NINJ2: variants seen among roughly 807,000 people sequenced by gnomAD.
NINJ2 encodes ninjurin-2.
NINJ2 carries 12 observed loss-of-function variants against 11.7 expected under a neutral mutation model. The ratio of observed to expected loss-of-function variants is 1.02; its 90% confidence interval spans 0.66 to 1.66. The LOEUF (loss-of-function observed/expected upper bound fraction) is 1.66. Among genes scored for constraint, NINJ2 ranks in the 40% most tolerant of loss-of-function variants. The pLI is 0.00. For missense variants in NINJ2, 187 were observed against 181.8 expected (o/e 1.03, Z -0.16); for synonymous variants, 93 against 76.8 (o/e 1.21, Z -1.10).
rs116441390 is a variant in NINJ2 at position 579,237 on chromosome 12, C to G, written c.34-13059G>C. 1.7e-3 allele frequency among the ~76,000 whole-genome samples: 257 copies of G among 152,324 alleles called. 1 individual carries two copies. The highest frequency in any genetic ancestry group is 5.9e-3 in the African/African-American group (245 of 41,564). ...TGAGACCTCATGAAGTAGATCAGAT[C>G]TGACAGTGAGATGGGAGAAAGGGAA... On this transcript the variant is annotated intron_variant, in intron 1 of 3. Coordinates refer to ENST00000305108, the MANE Select transcript of NINJ2 (RefSeq NM_016533.6).
intron 1 of NINJ2, among the ~76,000 whole-genome samples, chr12:583,252 G>A (rs1407902437): frequency 1.3e-5 from 2 of 152,242 alleles, no homozygotes; most frequent in Non-Finnish European, 1.5e-5. Context: ...CAGGCAGGCA[G>A]GCATGCTAGT....
intron 1 of NINJ2, among the ~76,000 whole-genome samples, chr12:578,454 G>A (rs1947500837): frequency 6.6e-6 from 1 of 152,118 alleles, no homozygotes; most frequent in Non-Finnish European, 1.5e-5. Flanking sequence ...GGGTAGCTGG[G>A]ACTACAAGTG....
chr12:608,960 T>G (rs1412411349), intron 1 of NINJ2, among the ~76,000 whole-genome samples: 1 of 152,126 alleles, frequency 6.6e-6, no homozygotes, highest in Non-Finnish European at 1.5e-5. Flanking sequence ...TGTTGTTGTT[T>G]AATTCAATCT....
intron 1 of NINJ2, among the ~76,000 whole-genome samples, chr12:601,540 C>T (rs1947872874): frequency 1.4e-5 from 2 of 144,410 alleles, no homozygotes; most frequent in Non-Finnish European, 3.0e-5. Flanking sequence ...AGAAGCAAGA[C>T]TCCGTCTCAA....
At position 564,577 on chromosome 12, in the gene NINJ2, C is replaced by G. The variant is rs1026446526; in HGVS notation, c.*123G>C. ...TAACTCAGGTGCTGTGGGTAGGGAGCAAGGGCAGCTATACTGTCCTTTCAG... is the reference window on the plus strand; with the variant it reads ...TAACTCAGGTGCTGTGGGTAGGGAGGAAGGGCAGCTATACTGTCCTTTCAG... On this transcript the variant is annotated 3_prime_UTR_variant, in exon 4 of 4. Transcript: ENST00000305108. 2 of 152,258 alleles carry G rather than the reference C, an allele frequency of 1.3e-5. No individual in the cohort carries two copies. The highest frequency in any genetic ancestry group is 4.8e-5 in the African/African-American group (2 of 41,446). The allele number at this position is 152,258 out of a possible 1,614,324, so 9.4% of individuals were successfully genotyped here.
chr12:648,249 T>G (rs1414902317), intron 1 of NINJ2, among the ~76,000 whole-genome samples: 1 of 152,186 alleles, frequency 6.6e-6, no homozygotes, highest in Non-Finnish European at 1.5e-5. Context: ...AATTTTTGTT[T>G]GTATTTTTAG....
intron 1 of NINJ2, among the ~76,000 whole-genome samples, chr12:627,640 C>A (rs1227201234): frequency 6.6e-6 from 1 of 152,252 alleles, no homozygotes; most frequent in African/African-American, 2.4e-5. Context: ...ACTGCACACA[C>A]ATTAAGGGTG....
intron 1 of NINJ2, among the ~76,000 whole-genome samples, chr12:595,148 A>G (rs1289841101): frequency 3.9e-5 from 6 of 152,300 alleles, no homozygotes; most frequent in African/African-American, 1.4e-4. Flanking sequence ...AAGAAAAAAA[A>G]AAGAATCTAG....
chr12:574,159 T>A (rs963169181), intron 1 of NINJ2, among the ~76,000 whole-genome samples: 2 of 151,868 alleles, frequency 1.3e-5, no homozygotes, highest in African/African-American at 4.8e-5. Flanking sequence ...AAGGCAGAGG[T>A]TGCAGTGAGC....
chr12:646,835 G>A (rs904163221), intron 1 of NINJ2, among the ~76,000 whole-genome samples: 2 of 152,180 alleles, frequency 1.3e-5, no homozygotes, highest in African/African-American at 4.8e-5. Flanking sequence ...CCTCAAACCT[G>A]AGGGTAAACA....
Position 650,306 on chromosome 12 carries a change from A to G in NINJ2, c.33+13022T>C, listed in dbSNP as rs372122493. 5.3e-5 allele frequency among the ~76,000 whole-genome samples: 8 copies of G among 151,946 alleles called. No individual in the cohort carries two copies. The East Asian group carries it at 1.2e-3, about 22-fold the overall frequency. On this transcript the variant is annotated intron_variant, in intron 1 of 3. Coordinates refer to ENST00000305108, the MANE Select transcript of NINJ2 (RefSeq NM_016533.6). ...CACTATGTTTCCCAGGCTGGCCTCA[A>G]AGTGAGCTCAGGTGATGTACCAGGT...
chr12:567,794 T>A (rs1947322326), intron 1 of NINJ2, among the ~76,000 whole-genome samples: 1 of 152,084 alleles, frequency 6.6e-6, no homozygotes, highest in Non-Finnish European at 1.5e-5. Context: ...TCATTTGAGG[T>A]CAGGAGTTTG....
chr12:583,355 C>G (rs1228865607), intron 1 of NINJ2, among the ~76,000 whole-genome samples: 1 of 152,262 alleles, frequency 6.6e-6, no homozygotes, highest in Non-Finnish European at 1.5e-5. Flanking sequence ...TGTCAGGTCC[C>G]TGCTGTGCCT....
intron 1 of NINJ2, among the ~76,000 whole-genome samples, chr12:577,111 G>A (rs966763491): frequency 6.6e-6 from 1 of 152,100 alleles, no homozygotes; most frequent in Non-Finnish European, 1.5e-5. Context: ...ACCATCGTAA[G>A]TGATACACTT....
At chr12:643,866 C>G (rs1937632337) in intron 1 of NINJ2, 2 of 171,594 alleles carry the variant, frequency 1.2e-5, no homozygotes, top group Admixed American at 1.3e-4. Context: ...CTTGACCCCA[C>G]CGGGTGCTCC....
At chr12:635,571 A>G (rs1408107796) in intron 1 of NINJ2, among the ~76,000 whole-genome samples, 2 of 152,268 alleles carry the variant, frequency 1.3e-5, no homozygotes, top group Non-Finnish European at 2.9e-5. Context: ...TGCCATATAC[A>G]GAAACTAACT....
Position 628,048 on chromosome 12 carries a change from C to G in NINJ2, c.33+35280G>C, listed in dbSNP as rs764046826. 6.6e-6 allele frequency among the ~76,000 whole-genome samples: 1 copy of G among 152,228 alleles called. No homozygotes were observed. The highest frequency in any genetic ancestry group is 1.9e-4 in the East Asian group (1 of 5,176). Reference sequence around the variant, plus strand: ...CTCCTCTTTCACACCCTGTGCCAGACAGAAGGCCTGGGAGTGAAAAGACTG... The same window carrying G: ...CTCCTCTTTCACACCCTGTGCCAGAGAGAAGGCCTGGGAGTGAAAAGACTG... On this transcript the variant is annotated intron_variant, in intron 1 of 3. Transcript: ENST00000305108. This position sits in a 1 kb window ranked among gnomAD's most constrained non-coding sequence, Gnocchi z 4.4.
At chr12:621,924 G>C (rs530386642) in intron 1 of NINJ2, among the ~76,000 whole-genome samples, 65 of 152,126 alleles carry the variant, frequency 4.3e-4, no homozygotes, top group African/African-American at 1.5e-3. Context: ...ACAAGGTCAG[G>C]AGTTCGTGAC....
At position 633,046 on chromosome 12, in the gene NINJ2, G is replaced by T. The variant is rs1242565633; in HGVS notation, c.33+30282C>A. On this transcript the variant is annotated intron_variant, in intron 1 of 3. Transcript: ENST00000305108. The surrounding 1 kb of genome is among the most constrained non-coding windows in gnomAD (Gnocchi z 4.3). ...TCAGTAGATTTCAATCAGAAAGGTC[G>T]TGAAATATACCTCAGCCTGGCATTG... Among the ~76,000 whole-genome samples, 1 of 152,186 alleles carries T rather than the reference G, an allele frequency of 6.6e-6. No individual in the cohort carries two copies. The highest frequency in any genetic ancestry group is 1.5e-5 in the Non-Finnish European group (1 of 68,034).
Sources: gnomAD v4.1 joint callset for allele counts (sites outside exome capture counted in the v4.1 genomes callset) on GRCh38, gnomAD v4.1.1 for gene constraint, Gnocchi (gnomAD v3.1) non-coding constraint, MANE v1.5 for transcripts, NCBI Gene and HGNC (gene_info 2026-07-23, HGNC 2026-07-21) for gene names.